Variants in ZNF611 observed in about 807,000 individuals in gnomAD.
The protein encoded by ZNF611 is zinc finger protein 611.
A neutral mutation model predicts 8.9 loss-of-function variants in ZNF611; 6 were observed. That is an observed-to-expected ratio of 0.68 (90% CI 0.37 to 1.34). The LOEUF is 1.34. Ranked by LOEUF, ZNF611 falls within the 40% of genes most tolerant of loss-of-function variation. The pLI is 0.02. For missense variants in ZNF611, 874 were observed against 841.3 expected (o/e 1.04, Z -0.48); for synonymous variants, 262 against 279.7 (o/e 0.94, Z 0.63).
In ZNF611 at chr19:52,705,067, G is replaced by T. The variant is rs2147413823; in HGVS notation, c.1988C>A (p.Ser663Ter). ...TICDKAFVRN[S>*]LLSRHTRIHT... Reference sequence around the variant, plus strand: ...AATTCTGGTATGTCTTGACAGGAGTGAATTACGCACGAAAGCCTTGTCACA... The same window carrying T: ...AATTCTGGTATGTCTTGACAGGAGTTAATTACGCACGAAAGCCTTGTCACA... Residue 663 changes from serine to a stop codon, truncating the protein, a stop_gained, in exon 6 of 6, where the codon TCA becomes TAA. Transcript: ENST00000652185. LOFTEE classifies it low-confidence loss of function (END_TRUNC). 1 of 1,614,138 alleles carries T rather than the reference G, an allele frequency of 6.2e-7. No homozygotes were observed. Among genetic ancestry groups the T allele is most frequent in the East Asian group, 2.2e-5 (1 of 44,866 alleles).
intron 3 of ZNF611, among the ~76,000 whole-genome samples, chr19:52,721,603 G>C (rs1337239900): frequency 2.0e-5 from 3 of 152,228 alleles, no homozygotes; most frequent in African/African-American, 7.2e-5. Context: ...CAGGCAGGGA[G>C]GTTGCAGCGA....
At chr19:52,718,927 C>A (rs2062336003) in intron 3 of ZNF611, among the ~76,000 whole-genome samples, 1 of 152,216 alleles carries the variant, frequency 6.6e-6, no homozygotes, top group Non-Finnish European at 1.5e-5. Flanking sequence ...AATCCCAGCA[C>A]TTTGGGAGGC....
intron 3 of ZNF611, among the ~76,000 whole-genome samples, chr19:52,716,897 A>C (rs1256159392): frequency 6.6e-6 from 1 of 152,068 alleles, no homozygotes; most frequent in Non-Finnish European, 1.5e-5. Flanking sequence ...TCTCTACTAA[A>C]AATACAAAAC....
At chr19:52,733,493 G>A (rs1200063551) in intron 1 of ZNF611, among the ~76,000 whole-genome samples, 1 of 151,998 alleles carries the variant, frequency 6.6e-6, no homozygotes, top group Non-Finnish European at 1.5e-5. Context: ...GCGGGGGGGA[G>A]GTCTCACTAT....
In ZNF611 at chr19:52,705,757, T is replaced by C. The variant is rs1300606751; in HGVS notation, c.1298A>G (p.Lys433Arg). Residue 433 changes from lysine (K) to arginine (R), a missense_variant, in exon 6 of 6, where the codon AAG becomes AGG. By Grantham distance (26) the Lys-to-Arg change is conservative (BLOSUM62 2). Transcript: ENST00000652185. ...KKTYKCNECG[K>R]TFSHKSSLVC... is the part of the protein sequence containing the mutation. ...AAGGGATGACTTGTGACTGAAGGTC[T>C]TGCCACACTCATTACATTTATAAGT... 7 of 1,614,126 alleles carry C rather than the reference T, an allele frequency of 4.3e-6. No homozygotes were observed. The highest frequency in any genetic ancestry group is 5.9e-6 in the Non-Finnish European group (7 of 1,179,994).
Position 52,725,755 on chromosome 19 carries a change from A to G in ZNF611, c.-20+2975T>C, listed in dbSNP as rs185666202. Among the ~76,000 whole-genome samples the G allele has an allele frequency of 2.7e-3, 412 of 152,258 alleles. 3 individuals are homozygous for G. The highest frequency in any genetic ancestry group is 9.4e-3 in the African/African-American group (392 of 41,562). On this transcript the variant is annotated intron_variant, in intron 3 of 5. Coordinates refer to ENST00000652185, the MANE Select transcript of ZNF611 (RefSeq NM_001161499.2). ...GTAGGACCTTTACTCCACGTGATCC[A>G]CTTCCGGGTTTGCTGCGCAGGACAG... is the stretch of plus-strand genomic sequence containing the variant.
Position 52,705,124 on chromosome 19 carries a change from T to C in ZNF611, c.1931A>G (p.His644Arg). The C allele has an allele frequency of 6.2e-7, 1 of 1,614,150 alleles. No individual in the cohort carries two copies. The highest frequency in any genetic ancestry group is 2.2e-5 in the East Asian group (1 of 44,862). The change falls in exon 6 of 6, where the codon CAT (histidine) becomes CGT (arginine). Residue 644 changes from histidine (H) to arginine (R), a missense_variant. By Grantham distance (29) the His-to-Arg change is conservative (BLOSUM62 0). Coordinates refer to ENST00000652185, the MANE Select transcript of ZNF611 (RefSeq NM_001161499.2). ...CSSLIYHRRL[H>R]TGEKSYKCTI... is the part of the protein sequence containing the mutation. ...ACATTTGTAAGATTTCTCTCCAGTATGAAGTCTACGATGGTATATAAGGGA... is the reference window on the plus strand; with the variant it reads ...ACATTTGTAAGATTTCTCTCCAGTACGAAGTCTACGATGGTATATAAGGGA...
intron 3 of ZNF611, among the ~76,000 whole-genome samples, chr19:52,718,614 G>T (rs989733298): frequency 1.3e-4 from 19 of 151,510 alleles, no homozygotes; most frequent in African/African-American, 4.4e-4. Flanking sequence ...GCCTGACCAA[G>T]ATGGAGAAAC....
intron 3 of ZNF611, among the ~76,000 whole-genome samples, chr19:52,719,627 C>T (rs1157562966): frequency 6.6e-6 from 1 of 152,218 alleles, no homozygotes; most frequent in East Asian, 1.9e-4. Context: ...CCAGGGTCCC[C>T]CTTCATCTTC....
rs1448373953 is a variant in ZNF611, at chr19:52,704,343, A to C, written c.*594T>G. The C allele has an allele frequency of 1.5e-5, 9 of 610,110 alleles. No individual in the cohort carries two copies. The highest frequency in any genetic ancestry group is 2.2e-5 in the Non-Finnish European group (7 of 312,254). 37.8% of individuals were successfully genotyped at this position (610,110 alleles called of 1,614,324 possible). A position where few individuals can be genotyped will look rare whatever the true frequency, so the allele number is the denominator to read the frequency against. ...TTGGACTGAAGACCTTGCCACACTG[A>C]TGACATTTGTAAGATTTCTGTCCAG... On this transcript the variant is annotated 3_prime_UTR_variant, in exon 6 of 6. Transcript: ENST00000652185.
At chr19:52,713,005 C>T (rs2062291092) in intron 5 of ZNF611, among the ~76,000 whole-genome samples, 1 of 152,090 alleles carries the variant, frequency 6.6e-6, no homozygotes. Flanking sequence ...ATCAGCCTGG[C>T]CAACATGGCA....
At chr19:52,733,975 CCT>C (rs2062441134) in intron 1 of ZNF611, among the ~76,000 whole-genome samples, 1 of 151,698 alleles carries the variant, frequency 6.6e-6, no homozygotes, top group African/African-American at 2.4e-5. Context: ...TCCCAGCTGT[CCT>C]CTCTGCTGTG....
chr19:52,721,706 G>A (rs936405186), intron 3 of ZNF611, among the ~76,000 whole-genome samples: 15 of 144,906 alleles, frequency 1.0e-4, no homozygotes, highest in Admixed American at 2.0e-4. Flanking sequence ...AGAGGGAGAG[G>A]CAGAGGCAGA....
chr19:52,709,419 T>C (rs1053188081), intron 5 of ZNF611, among the ~76,000 whole-genome samples: 2 of 151,996 alleles, frequency 1.3e-5, no homozygotes, highest in Non-Finnish European at 2.9e-5. Flanking sequence ...ACTACAGGCA[T>C]GCACCACCAT....
At chr19:52,725,453 G>C (rs943157804) in intron 3 of ZNF611, among the ~76,000 whole-genome samples, 1 of 152,218 alleles carries the variant, frequency 6.6e-6, no homozygotes, top group Admixed American at 6.5e-5. Context: ...CAAGGGGCAG[G>C]ATGAGTCAAC....
At chr19:52,732,211 A>C (rs1483882472) in intron 1 of ZNF611, among the ~76,000 whole-genome samples, 1 of 151,018 alleles carries the variant, frequency 6.6e-6, no homozygotes, top group Non-Finnish European at 1.5e-5. Context: ...CGGAGCTTGC[A>C]GTGAGCTGAG....
At chr19:52,716,797 C>T (rs2062320373) in intron 3 of ZNF611, among the ~76,000 whole-genome samples, 1 of 152,164 alleles carries the variant, frequency 6.6e-6, no homozygotes, top group South Asian at 2.1e-4. Flanking sequence ...TGGCTCAGGA[C>T]TGTAATCCCA....
chr19:52,720,482 G>A (rs796386287), intron 3 of ZNF611, among the ~76,000 whole-genome samples: 21 of 80,744 alleles, frequency 2.6e-4, no homozygotes, highest in South Asian at 3.6e-4. Flanking sequence ...CAGATGGGGC[G>A]GCCGGGCAGA....
chr19:52,716,253 G>C (rs73934862), intron 3 of ZNF611: 11,823 of 207,672 alleles, frequency 0.057, 1,310 homozygotes, highest in African/African-American at 0.25. Context: ...ACAGGCTGAG[G>C]TCAGCCCTCA....
Sources: gnomAD v4.1 joint callset for allele counts (sites outside exome capture counted in the v4.1 genomes callset) on GRCh38, gnomAD v4.1.1 for gene constraint, MANE v1.5 for transcripts, NCBI Gene and HGNC (gene_info 2026-07-23, HGNC 2026-07-21) for gene names.